PAK5: variants seen among roughly 807,000 people sequenced by gnomAD.
PAK5 encodes serine/threonine-protein kinase PAK 5.
A neutral mutation model predicts 65.9 loss-of-function variants in PAK5; 16 were observed. That is an observed-to-expected ratio of 0.24 (90% CI 0.16 to 0.37). The LOEUF is 0.37. Among genes scored for constraint, PAK5 ranks in the 10% least tolerant of loss-of-function variants. The pLI is 1.00. For missense variants in PAK5, 785 were observed against 903.9 expected (o/e 0.87, Z 1.69); for synonymous variants, 371 against 354.9 (o/e 1.05, Z -0.51).
chr20:9,827,544 A>G (rs1978360421), intron 1 of PAK5, among the ~76,000 whole-genome samples: 1 of 151,796 alleles, frequency 6.6e-6, no homozygotes, highest in African/African-American at 2.4e-5. Flanking sequence ...GCAAGAAGGA[A>G]GCTAAAAAAA....
At chr20:9,736,812 C>A (rs964844184) in intron 1 of PAK5, among the ~76,000 whole-genome samples, 1 of 152,180 alleles carries the variant, frequency 6.6e-6, no homozygotes, top group African/African-American at 2.4e-5. Context: ...TTTATGTTCA[C>A]AACTCCAGGC....
intron 2 of PAK5, among the ~76,000 whole-genome samples, chr20:9,647,987 C>T (rs903927455): frequency 1.3e-5 from 2 of 152,146 alleles, no homozygotes; most frequent in Non-Finnish European, 2.9e-5. Flanking sequence ...AAGTGAAGAT[C>T]TTCTTGGCAG....
chr20:9,807,762 AAATAATAATAAT>A (rs71184158), intron 1 of PAK5, among the ~76,000 whole-genome samples: 4 of 142,326 alleles, frequency 2.8e-5, no homozygotes, highest in Non-Finnish European at 6.1e-5. Flanking sequence ...AGCAAAAAAT[AAATAATAATAAT>A]AATAATAATA....
At chr20:9,639,704 A>G (rs957625053) in intron 3 of PAK5, among the ~76,000 whole-genome samples, 1 of 152,252 alleles carries the variant, frequency 6.6e-6, no homozygotes, top group Non-Finnish European at 1.5e-5. Flanking sequence ...TTTGGCACAA[A>G]GGCTGGAAAG....
At chr20:9,796,837 C>T (rs1305728291) in intron 1 of PAK5, among the ~76,000 whole-genome samples, 1 of 152,094 alleles carries the variant, frequency 6.6e-6, no homozygotes, top group Non-Finnish European at 1.5e-5. Context: ...AGACTGTTAG[C>T]AACTAGGTAG....
intron 1 of PAK5, among the ~76,000 whole-genome samples, chr20:9,735,829 C>G (rs1790816530): frequency 6.6e-6 from 1 of 151,714 alleles, no homozygotes; most frequent in Admixed American, 6.6e-5. Flanking sequence ...AGTTCAAGAC[C>G]AGCCCAGCCA....
chr20:9,637,319 C>T (rs544268182), intron 3 of PAK5, among the ~76,000 whole-genome samples: 1 of 152,070 alleles, frequency 6.6e-6, no homozygotes, highest in African/African-American at 2.4e-5. Flanking sequence ...AAACATAAGA[C>T]TATAAAGCAC....
At chr20:9,585,476 C>T (rs947536619) in intron 3 of PAK5, among the ~76,000 whole-genome samples, 4 of 152,236 alleles carry the variant, frequency 2.6e-5, no homozygotes, top group African/African-American at 9.6e-5. Context: ...TGTGTGACAT[C>T]ACAACCCAGC....
At chr20:9,543,694 C>T (rs963174543) in intron 8 of PAK5, among the ~76,000 whole-genome samples, 8 of 152,164 alleles carry the variant, frequency 5.3e-5, no homozygotes, top group Non-Finnish European at 1.0e-4. Context: ...CCCTTGGCTT[C>T]CATCTGTATG....
At chr20:9,558,338 C>T (rs1467788938) in intron 6 of PAK5, among the ~76,000 whole-genome samples, 1 of 151,926 alleles carries the variant, frequency 6.6e-6, no homozygotes, top group Non-Finnish European at 1.5e-5. Flanking sequence ...TCTTGAACTA[C>T]TCCTGACCTC....
intron 3 of PAK5, among the ~76,000 whole-genome samples, chr20:9,610,419 G>C (rs1028642989): frequency 2.6e-5 from 4 of 152,152 alleles, no homozygotes; most frequent in African/African-American, 9.7e-5. Context: ...CAAAACTGCT[G>C]GGCATGGGGT....
chr20:9,763,495 C>T (rs1164214462), intron 1 of PAK5, among the ~76,000 whole-genome samples: 1 of 151,846 alleles, frequency 6.6e-6, no homozygotes, highest in Non-Finnish European at 1.5e-5. Flanking sequence ...GATACAGACA[C>T]ATATCAAAAA....
intron 2 of PAK5, among the ~76,000 whole-genome samples, chr20:9,672,123 T>C (rs1460046281): frequency 1.3e-5 from 2 of 151,876 alleles, no homozygotes; most frequent in African/African-American, 4.8e-5. Context: ...GATATAGCCA[T>C]ATATTATAGA....
intron 3 of PAK5, among the ~76,000 whole-genome samples, chr20:9,631,624 G>A (rs1473115717): frequency 1.3e-5 from 2 of 152,156 alleles, no homozygotes; most frequent in Non-Finnish European, 1.5e-5. Context: ...ATCCTGTTAA[G>A]CCATGCCTAG....
intron 1 of PAK5, among the ~76,000 whole-genome samples, chr20:9,789,273 G>T (rs774103980): frequency 1.1e-4 from 17 of 152,140 alleles, no homozygotes; most frequent in Non-Finnish European, 2.1e-4. Flanking sequence ...GGCTTAAGCA[G>T]GTGTCATTCT....
At chr20:9,607,521 T>C (rs532511112) in intron 3 of PAK5, among the ~76,000 whole-genome samples, 1 of 152,252 alleles carries the variant, frequency 6.6e-6, no homozygotes. Flanking sequence ...TTAATGTTGA[T>C]GGTGGCATGT....
At chr20:9,664,354 C>T (rs2047385045) in intron 2 of PAK5, among the ~76,000 whole-genome samples, 1 of 152,190 alleles carries the variant, frequency 6.6e-6, no homozygotes, top group Non-Finnish European at 1.5e-5. Flanking sequence ...AGAAATGCTT[C>T]AACCTCCAAT....
chr20:9,759,097 T>A (rs1340309248), intron 1 of PAK5, among the ~76,000 whole-genome samples: 1 of 152,094 alleles, frequency 6.6e-6, no homozygotes, highest in Non-Finnish European at 1.5e-5. Context: ...GCATTCAATA[T>A]GAGAACACAA....
At chr20:9,788,191 G>C (rs1386338675) in intron 1 of PAK5, among the ~76,000 whole-genome samples, 1 of 152,018 alleles carries the variant, frequency 6.6e-6, no homozygotes, top group Non-Finnish European at 1.5e-5. Context: ...GAAAATCCTA[G>C]ACACATTAAA....
Sources: gnomAD v4.1 joint callset for allele counts (sites outside exome capture counted in the v4.1 genomes callset) on GRCh38, gnomAD v4.1.1 for gene constraint, MANE v1.5 for transcripts, NCBI Gene and HGNC (gene_info 2026-07-23, HGNC 2026-07-21) for gene names.